RABGAP1L: variants seen among roughly 807,000 people sequenced by gnomAD.
The protein encoded by RABGAP1L is rab GTPase-activating protein 1-like.
A neutral mutation model predicts 137.7 loss-of-function variants in RABGAP1L; 63 were observed. The ratio of observed to expected loss-of-function variants is 0.46; its 90% CI spans 0.37 to 0.56. The LOEUF (loss-of-function observed/expected upper bound fraction) is 0.56. Ranked by LOEUF, RABGAP1L falls within the 20% of genes least tolerant of loss-of-function variation. The probability of loss-of-function intolerance (pLI) is 0.00; values close to 1 mark genes in which losing one functional copy is unlikely to be tolerated. For missense variants in RABGAP1L, 1,095 were observed against 1,244.0 expected (o/e 0.88, Z 1.80); for synonymous variants, 431 against 433.7 (o/e 0.99, Z 0.08).
chr1:174,668,308 AT>A (rs1352665651), intron 14 of RABGAP1L, among the ~76,000 whole-genome samples: 1 of 152,080 alleles, frequency 6.6e-6, no homozygotes, highest in Non-Finnish European at 1.5e-5. Flanking sequence ...CTACTTTCTA[AT>A]TCAATGAGGT....
chr1:174,664,734 C>CTTTTT (rs71701825), intron 14 of RABGAP1L, among the ~76,000 whole-genome samples: 28 of 97,554 alleles, frequency 2.9e-4, no homozygotes, highest in South Asian at 6.7e-4. Flanking sequence ...TTTCTGCTTT[C>CTTTTT]TTTTTTTTTT....
chr1:174,478,089 A>T (rs1301895826), intron 13 of RABGAP1L, among the ~76,000 whole-genome samples: 3 of 152,102 alleles, frequency 2.0e-5, no homozygotes, highest in Non-Finnish European at 4.4e-5. Flanking sequence ...GTCAAAGAAT[A>T]ATATTTATCT....
intron 5 of RABGAP1L, chr1:174,245,258 G>T (rs903948881): frequency 5.9e-5 from 9 of 152,204 alleles, no homozygotes; most frequent in African/African-American, 2.2e-4. Context: ...TTTTAGTAGA[G>T]ACAGGGTTGC....
intron 11 of RABGAP1L, among the ~76,000 whole-genome samples, chr1:174,352,929 A>G (rs1377477172): frequency 6.6e-6 from 1 of 152,156 alleles, no homozygotes; most frequent in Non-Finnish European, 1.5e-5. Flanking sequence ...TCTTCTCCAA[A>G]GAGATTCTCT....
intron 13 of RABGAP1L, among the ~76,000 whole-genome samples, chr1:174,511,463 T>G (rs1033596087): frequency 6.6e-6 from 1 of 152,180 alleles, no homozygotes; most frequent in Admixed American, 6.6e-5. Context: ...AGCCATAATT[T>G]CTGCCTAAGA....
intron 13 of RABGAP1L, among the ~76,000 whole-genome samples, chr1:174,557,165 C>G (rs1666934597): frequency 6.6e-6 from 1 of 152,166 alleles, no homozygotes; most frequent in African/African-American, 2.4e-5. Context: ...CATGATTTTC[C>G]TAAGTGTAGC....
chr1:174,575,904 G>A (rs990106579), intron 13 of RABGAP1L, among the ~76,000 whole-genome samples: 2 of 152,184 alleles, frequency 1.3e-5, no homozygotes, highest in Non-Finnish European at 2.9e-5. Context: ...TTTAGTGAGG[G>A]CAGGGGTAGG....
intron 12 of RABGAP1L, among the ~76,000 whole-genome samples, chr1:174,387,222 T>C (rs1686868522): frequency 6.6e-6 from 1 of 152,220 alleles, no homozygotes; most frequent in South Asian, 2.1e-4. Flanking sequence ...GTAAAACAAG[T>C]CACTTCATTC....
chr1:174,674,022 A>T (rs1271820803), intron 14 of RABGAP1L, among the ~76,000 whole-genome samples: 1 of 151,574 alleles, frequency 6.6e-6, no homozygotes, highest in Non-Finnish European at 1.5e-5. Context: ...CTCCATAAAC[A>T]TGATTTGTAA....
intron 7 of RABGAP1L, 61 bp from the exon 8 acceptor site, chr1:174,272,353 C>T: frequency 1.9e-6 from 3 of 1,542,312 alleles, no homozygotes; most frequent in Non-Finnish European, 2.6e-6. Context: ...GCTTTATGCT[C>T]ACTGGGCTTC....
At chr1:174,232,597 C>T (rs1056925535) in intron 4 of RABGAP1L, among the ~76,000 whole-genome samples, 2 of 151,604 alleles carry the variant, frequency 1.3e-5, no homozygotes, top group African/African-American at 2.4e-5. Flanking sequence ...TCCTGGCTAA[C>T]ACGGTGAAAC....
At chr1:174,361,225 G>A (rs1029134382) in intron 11 of RABGAP1L, among the ~76,000 whole-genome samples, 1 of 133,302 alleles carries the variant, frequency 7.5e-6, no homozygotes, top group African/African-American at 2.7e-5. Flanking sequence ...CTCCAGTTTT[G>A]TTTTTTTTTT....
At chr1:174,376,390 A>G (rs1002708282) in intron 12 of RABGAP1L, among the ~76,000 whole-genome samples, 3 of 152,234 alleles carry the variant, frequency 2.0e-5, no homozygotes, top group African/African-American at 7.2e-5. Context: ...TACAGAAAAG[A>G]AAATTGCAGA....
chr1:174,634,980 A>G (rs1036315497), intron 13 of RABGAP1L, among the ~76,000 whole-genome samples: 225 of 150,524 alleles, frequency 1.5e-3, no homozygotes, highest in Non-Finnish European at 2.8e-3. Flanking sequence ...ACATGTATAC[A>G]TATGTATCTA....
In RABGAP1L at chr1:174,637,504, T is replaced by C; in HGVS notation, c.1824+16T>C. ...GATCTGCAAGGTAGGACTCTCTTCC[T>C]CACTTTTTCTAAATTATTTTACAGA... is the stretch of plus-strand genomic sequence containing the variant. On this transcript the variant is annotated intron_variant, in intron 14 of 25. Transcript: ENST00000681986. 6.6e-7 allele frequency: 1 copy of C among 1,517,682 alleles called. No individual in the cohort carries two copies. Among genetic ancestry groups the C allele is most frequent in the Non-Finnish European group, 9.1e-7 (1 of 1,097,082 alleles). The allele number at this position is 1,517,682 out of a possible 1,614,324, so 94.0% of individuals were successfully genotyped here. A position where few individuals can be genotyped will look rare whatever the true frequency, so the allele number is the denominator to read the frequency against.
At chr1:174,589,031 T>G (rs1669346730) in intron 13 of RABGAP1L, among the ~76,000 whole-genome samples, 1 of 152,198 alleles carries the variant, frequency 6.6e-6, no homozygotes, top group Non-Finnish European at 1.5e-5. Flanking sequence ...TCTATACTGT[T>G]CTTCATAGTG....
intron 19 of RABGAP1L, among the ~76,000 whole-genome samples, chr1:174,856,350 G>A (rs547959964): frequency 1.3e-5 from 2 of 150,314 alleles, no homozygotes; most frequent in African/African-American, 4.9e-5. Context: ...AACCAAGATC[G>A]TGCCACTGCA....
Position 174,397,054 on chromosome 1 carries a change from A to C in RABGAP1L, c.1710+2909A>C, listed in dbSNP as rs138538850. Among the ~76,000 whole-genome samples the C allele has an allele frequency of 3.8e-3, 580 of 151,606 alleles. 4 individuals carry two copies. Among genetic ancestry groups the C allele is most frequent in the African/African-American group, 0.012 (500 of 41,328 alleles). On this transcript the variant is annotated intron_variant, in intron 13 of 25. Coordinates refer to ENST00000681986, the MANE Select transcript of RABGAP1L (RefSeq NM_001366446.1). The stretch of plus-strand genomic sequence containing the variant: ...CTGTTTGAGAGGCTGAGATGGGAGG[A>C]TTGCTTGAGCCCAGGAGATCGAGGC...
At chr1:174,624,233 C>G (rs1237965006) in intron 13 of RABGAP1L, among the ~76,000 whole-genome samples, 1 of 152,170 alleles carries the variant, frequency 6.6e-6, no homozygotes, top group Non-Finnish European at 1.5e-5. Context: ...TTGTTGAGCC[C>G]AGCCCAGGCC....
Sources: gnomAD v4.1 joint callset for allele counts (sites outside exome capture counted in the v4.1 genomes callset) on GRCh38, gnomAD v4.1.1 for gene constraint, MANE v1.5 for transcripts, NCBI Gene and HGNC (gene_info 2026-07-23, HGNC 2026-07-21) for gene names.